The following MUC5B variants were observed in gnomAD, a reference collection of about 807,000 sequenced individuals.
MUC5B encodes the protein mucin 5B, oligomeric mucus/gel-forming, also known as mucin-5B.
In MUC5B, 116 loss-of-function variants were observed where a neutral mutation model predicts 376.9. The ratio of observed to expected loss-of-function variants is 0.31; its 90% CI spans 0.26 to 0.36. MUC5B has a LOEUF of 0.36. MUC5B is among the 10% of genes least tolerant of loss of function. The pLI is 1.00. For synonymous variants in MUC5B, 3,517 were observed against 3,390.9 expected, an observed-to-expected ratio of 1.04 and a Z score of -1.29; for missense variants, 7,165 against 7,769.9, an observed-to-expected ratio of 0.92 and a Z score of 2.93.
chr11:1,237,832 G>A (rs1862191217), intron 25 of MUC5B, among the ~76,000 whole-genome samples: 2 of 152,208 alleles, frequency 1.3e-5, no homozygotes, highest in African/African-American at 4.8e-5. Flanking sequence ...TCGTGCCACT[G>A]CACTCCAGCC....
intron 1 of MUC5B, among the ~76,000 whole-genome samples, chr11:1,225,277 G>A (rs1453801227): frequency 6.6e-6 from 1 of 152,254 alleles, no homozygotes; most frequent in East Asian, 1.9e-4. Context: ...TGTGGGATGG[G>A]GCGAAATCCC....
At chr11:1,233,449 A>G (rs1220184652) in intron 18 of MUC5B, among the ~76,000 whole-genome samples, 181 bp downstream of exon 18, 1 of 151,950 alleles carries the variant, frequency 6.6e-6, no homozygotes, top group Non-Finnish European at 1.5e-5. Context: ...GAAAGAGGCC[A>G]GGAGAGGAGG....
rs1438585839 is a variant in MUC5B at position 1,248,377 on chromosome 11, A to G, written c.11497A>G (p.Thr3833Ala). The stretch of plus-strand genomic sequence containing the variant: ...CTCCTCCACTCCAGAGACTGCCCAC[A>G]CCTCCACAGTGCTTACCACCACGGC... ...TPSSTPETAH[T>A]STVLTTTATT... Residue 3833 changes from threonine to alanine, a missense_variant, in exon 31 of 49, where the codon ACC becomes GCC. Around this residue, in one of 31 missense-constraint regions of MUC5B, gnomAD observed 242 missense variants for 199.0 expected, o/e 1.22. Coordinates refer to ENST00000529681, the MANE Select transcript of MUC5B (RefSeq NM_002458.3). The G allele has an allele frequency of 1.9e-6, 3 of 1,611,914 alleles. No individual in the cohort carries two copies. Among genetic ancestry groups the G allele is most frequent in the East Asian group, 4.5e-5 (2 of 44,840 alleles).
intron 10 of MUC5B, 78 bp downstream of exon 10, chr11:1,229,885 T>C: frequency 6.5e-7 from 1 of 1,545,868 alleles, no homozygotes; most frequent in East Asian, 2.4e-5. Flanking sequence ...AGCCTCTGCC[T>C]GGGGTGGGGG....
rs1862514695 is a variant in MUC5B, at chr11:1,247,329, C to T, written c.10449C>T (p.His3483=). Residue 3483 remains histidine (H), a synonymous_variant, in exon 31 of 49, where the codon CAC becomes CAT. Transcript: ENST00000529681. ...SATSGILGTT[H]ITEPSTVTSH... is the part of the protein sequence containing the mutation. Reference sequence around the variant, plus strand: ...CCTCGGGCATCTTGGGCACCACCCACATCACAGAGCCTTCCACGGTGACTT... The same window carrying T: ...CCTCGGGCATCTTGGGCACCACCCATATCACAGAGCCTTCCACGGTGACTT... The T allele has an allele frequency of 2.5e-6, 4 of 1,611,510 alleles. No homozygotes were observed. The highest frequency in any genetic ancestry group is 3.4e-6 in the Non-Finnish European group (4 of 1,179,574).
Position 1,231,526 on chromosome 11 carries a change from C to G in MUC5B, c.1644C>G (p.Val548=). 1 of 1,594,580 alleles carries G rather than the reference C, an allele frequency of 6.3e-7. No individual in the cohort carries two copies. The highest frequency in any genetic ancestry group is 8.5e-7 in the Non-Finnish European group (1 of 1,172,054). Residue 548 remains valine, a synonymous_variant, in exon 14 of 49, where the codon GTC becomes GTG. Transcript: ENST00000529681. ...TGGTGCCACTCATGCAGGTGTTTGT[C>G]AGGCTGGACCCCGCCCACCAGGGCC... ...VQLVPLMQVF[V]RLDPAHQGQM...
Position 1,236,974 on chromosome 11 carries a change from A to G in MUC5B, c.3107A>G (p.Asp1036Gly), listed in dbSNP as rs1862172113. 1.9e-6 allele frequency: 3 copies of G among 1,542,944 alleles called. No individual in the cohort carries two copies. The highest frequency in any genetic ancestry group is 2.6e-6 in the Non-Finnish European group (3 of 1,141,388). ...AACTTCGACGACAATGCCATCAATG[A>G]CTTTGCCACGCGTAGCCGGTCCGTG... ...CGNFDDNAINDFATRSRSVVG... is the reference protein window; with the variant it reads ...CGNFDDNAINGFATRSRSVVG... Residue 1036 changes from aspartate to glycine, a missense_variant, in exon 25 of 49, where the codon GAC (aspartate) becomes GGC (glycine). By Grantham distance (94) the Asp-to-Gly change is moderately conservative (BLOSUM62 -1). Transcript: ENST00000529681.
intron 26 of MUC5B, 80 bp from the exon 27 acceptor site, chr11:1,239,358 C>G: frequency 6.6e-7 from 1 of 1,511,402 alleles, no homozygotes; most frequent in South Asian, 1.3e-5. Context: ...CCGGCCCCCA[C>G]GCCCGGGGTA....
In MUC5B at chr11:1,245,345, C is replaced by T. The variant is rs750159492; in HGVS notation, c.8465C>T (p.Pro2822Leu). ...PHPSSRTTES[P>L]PSPGTTTPGH... ...CCTAGCAGCAGGACCACCGAGTCAC[C>T]CCCTTCTCCAGGGACGACCACCCCG... The change falls in exon 31 of 49, where the codon CCC (proline) becomes CTC (leucine). Residue 2822 changes from proline to leucine, a missense_variant. This residue lies in a region of MUC5B where 50 missense variants were observed against 66.4 expected (regional missense o/e 0.75). Coordinates refer to ENST00000529681, the MANE Select transcript of MUC5B (RefSeq NM_002458.3). 5.0e-6 allele frequency: 8 copies of T among 1,595,432 alleles called. 1 individual carries two copies. The highest frequency in any genetic ancestry group is 6.8e-6 in the Non-Finnish European group (8 of 1,171,142).
chr11:1,241,879 G>A lies in MUC5B; in HGVS notation c.4999G>A (p.Gly1667Ser), dbSNP rs1862293645. Residue 1667 changes from glycine (G) to serine (S), a missense_variant, in exon 31 of 49, where the codon GGT becomes AGT. This residue lies in a region of MUC5B where 897 missense variants were observed against 779.6 expected (regional missense o/e 1.15). Transcript: ENST00000529681. ...ATCCCCCAGATACACAAGCACCCTT[G>A]GTACAGCCACCACGGGAGGCCCCAC... ...LTSPRYTSTL[G>S]TATTGGPTTP... is the part of the protein sequence containing the mutation. The A allele has an allele frequency of 6.2e-7, 1 of 1,612,834 alleles. No individual in the cohort carries two copies.
rs774667174 is a variant in MUC5B, at chr11:1,249,969, C to T, written c.13089C>T (p.Ser4363=). 9 of 1,611,874 alleles carry T rather than the reference C, an allele frequency of 5.6e-6. No homozygotes were observed. The Admixed American group carries it at 1.5e-4, about 27-fold the overall frequency. The change falls in exon 31 of 49, where the codon TCC becomes TCT. Residue 4363 remains serine (S), a synonymous_variant. Transcript: ENST00000529681. ...PSSTPETTHT[S]TVLTTKATTT... is the part of the protein sequence containing the mutation. ...CCACTCCGGAGACCACCCACACCTC[C>T]ACAGTGCTGACCACGAAGGCCACCA...
Position 1,249,200 on chromosome 11 carries a change from C to A in MUC5B, c.12320C>A (p.Thr4107Asn). Reference sequence around the variant, plus strand: ...ACGGCCACACCCAGCAAGACCCGCACCTCGACCCTGCTGCCCAGCAGCCCC... The same window carrying A: ...ACGGCCACACCCAGCAAGACCCGCAACTCGACCCTGCTGCCCAGCAGCCCC... ...TATATPSKTR[T>N]STLLPSSPTS... is the part of the protein sequence containing the mutation. The change falls in exon 31 of 49, where the codon ACC becomes AAC. Residue 4107 changes from threonine (T) to asparagine (N), a missense_variant. Thr to Asn is a moderately conservative substitution (Grantham distance 65, BLOSUM62 0). Around this residue, in one of 31 missense-constraint regions of MUC5B, gnomAD observed 47 missense variants for 88.4 expected, o/e 0.53. Transcript: ENST00000529681. 6.2e-7 allele frequency: 1 copy of A among 1,611,524 alleles called. No individual in the cohort carries two copies. The highest frequency in any genetic ancestry group is 8.5e-7 in the Non-Finnish European group (1 of 1,179,570).
Position 1,246,799 on chromosome 11 carries a change from A to G in MUC5B, c.9919A>G (p.Lys3307Glu), listed in dbSNP as rs1305152121. ...CACCCCAGGAACAGCTCACACTACC[A>G]AAGTGCCGACTACCACAACCACGGG... ...SSTPGTAHTTKVPTTTTTGFT... is the reference protein window; with the variant it reads ...SSTPGTAHTTEVPTTTTTGFT... Residue 3307 changes from lysine to glutamate, a missense_variant, in exon 31 of 49, where the codon AAA becomes GAA. Around this residue, in one of 31 missense-constraint regions of MUC5B, gnomAD observed 939 missense variants for 770.6 expected, o/e 1.22. Transcript: ENST00000529681. The G allele has an allele frequency of 6.2e-7, 1 of 1,605,664 alleles. No individual in the cohort carries two copies. The highest frequency in any genetic ancestry group is 1.7e-5 in the Admixed American group (1 of 59,652).
At chr11:1,254,902 C>A in intron 35 of MUC5B, 22 bp downstream of exon 35, 1 of 1,604,930 alleles carries the variant, frequency 6.2e-7, no homozygotes, top group Non-Finnish European at 8.5e-7. Flanking sequence ...GCGGGTCCTG[C>A]CCCGGCCAGG....
chr11:1,247,084 T>A lies in MUC5B; in HGVS notation c.10204T>A (p.Ser3402Thr). 1.3e-6 allele frequency: 2 copies of A among 1,559,676 alleles called. No individual in the cohort carries two copies. The highest frequency in any genetic ancestry group is 1.7e-6 in the Non-Finnish European group (2 of 1,152,990). ...GGCCACTACGATCACAGCCACCGGC[T>A]CCACCACCAACCCCTCCTCAACTCC... ...TTATTITATGSTTNPSSTPGT... is the reference protein window; with the variant it reads ...TTATTITATGTTTNPSSTPGT... The change falls in exon 31 of 49, where the codon TCC (serine) becomes ACC (threonine). Residue 3402 changes from serine to threonine, a missense_variant. By Grantham distance (58) the Ser-to-Thr change is moderately conservative. Coordinates refer to ENST00000529681, the MANE Select transcript of MUC5B (RefSeq NM_002458.3).
rs762453539 is a variant in MUC5B, at chr11:1,243,027, C to A, written c.6147C>A (p.Thr2049=). 1.9e-6 allele frequency: 3 copies of A among 1,611,570 alleles called. No individual in the cohort carries two copies. The South Asian group carries it at 3.3e-5, about 18-fold the overall frequency. ...CCACCCCAGGAACAGCTCACACTAC[C>A]AAAGTGCCAACTACCACAACCACGG... ...PSSTPGTAHT[T]KVPTTTTTGF... Residue 2049 remains threonine (T), a synonymous_variant, in exon 31 of 49, where the codon ACC becomes ACA. Coordinates refer to ENST00000529681, the MANE Select transcript of MUC5B (RefSeq NM_002458.3).
Position 1,247,743 on chromosome 11 carries a change from C to G in MUC5B, c.10863C>G (p.Ala3621=), listed in dbSNP as rs761206882. The G allele has an allele frequency of 3.4e-5, 54 of 1,606,336 alleles. No homozygotes were observed. The African/African-American group carries it at 6.7e-4, about 20-fold the overall frequency. ...QPLGLECRAQ[A]QPGVPLRELG... Reference sequence around the variant, plus strand: ...TGGGCCTCGAGTGCCGTGCCCAGGCCCAGCCTGGTGTCCCCCTGCGGGAGT... The same window carrying G: ...TGGGCCTCGAGTGCCGTGCCCAGGCGCAGCCTGGTGTCCCCCTGCGGGAGT... The change falls in exon 31 of 49, where the codon GCC becomes GCG. Residue 3621 remains alanine, a synonymous_variant. Transcript: ENST00000529681.
Position 1,250,614 on chromosome 11 carries a change from G to C in MUC5B, c.13734G>C (p.Val4578=), listed in dbSNP as rs1456985176. Residue 4578 remains valine, a synonymous_variant, in exon 31 of 49, where the codon GTG becomes GTC. Transcript: ENST00000529681. ...TATTTGATGS[V]ATPSSTPGTA... is the part of the protein sequence containing the mutation. ...CCACAACCGGGGCCACCGGCTCTGT[G>C]GCCACCCCCTCCTCCACCCCAGGAA... The C allele has an allele frequency of 1.2e-6, 2 of 1,611,168 alleles. No individual in the cohort carries two copies. The highest frequency in any genetic ancestry group is 3.3e-5 in the Admixed American group (2 of 59,726).
chr11:1,257,372 G>A lies in MUC5B; in HGVS notation c.16269+101G>A, dbSNP rs898724407. 61 of 914,570 alleles carry A rather than the reference G, an allele frequency of 6.7e-5. No homozygotes were observed. The highest frequency in any genetic ancestry group is 8.9e-5 in the Non-Finnish European group (49 of 553,226). The allele number at this position is 914,570 out of a possible 1,614,324, so 56.7% of individuals were successfully genotyped here. The stretch of plus-strand genomic sequence containing the variant: ...CCCACAGGGCAGCTGTGGGGCGCCC[G>A]AGTGTGACGTGGACGTGCCAGTGGC... On this transcript the variant is annotated intron_variant, in intron 40 of 48. Transcript: ENST00000529681. The surrounding 1 kb of genome is among the most constrained non-coding windows in gnomAD (Gnocchi z 8.9).
Sources: allele counts gnomAD v4.1 joint callset (sites outside exome capture counted in the v4.1 genomes callset), GRCh38; gene constraint gnomAD v4.1.1; regional missense constraint gnomAD v4.1.1; non-coding constraint Gnocchi (gnomAD v3.1); transcripts MANE v1.5; gene names NCBI Gene and HGNC (gene_info 2026-07-23, HGNC 2026-07-21).